The following THSD7B variants were observed in gnomAD, a reference collection of about 807,000 sequenced individuals.
The protein encoded by THSD7B is thrombospondin type 1 domain containing 7B.
Under a neutral mutation model 213.6 loss-of-function variants are expected in THSD7B, and 138 were observed. That is an observed-to-expected ratio of 0.65 (90% CI 0.56 to 0.74). The LOEUF (loss-of-function observed/expected upper bound fraction) is 0.74. THSD7B is among the 30% of genes least tolerant of loss of function. THSD7B has a pLI of 0.00. For synonymous variants in THSD7B, 742 were observed against 687.0 expected, an observed-to-expected ratio of 1.08 and a Z score of -1.25; for missense variants, 1,931 against 1,991.5, an observed-to-expected ratio of 0.97 and a Z score of 0.58.
intron 20 of THSD7B, among the ~76,000 whole-genome samples, chr2:137,622,988 A>G (rs1039580758): frequency 2.0e-5 from 3 of 152,236 alleles, no homozygotes; most frequent in Admixed American, 6.5e-5. Context: ...TGAGGCCAGC[A>G]TCATCCTGAT....
chr2:137,244,928 A>G (rs1268145965), intron 10 of THSD7B, among the ~76,000 whole-genome samples: 1 of 152,176 alleles, frequency 6.6e-6, no homozygotes, highest in Non-Finnish European at 1.5e-5. Flanking sequence ...TTGCATTTGA[A>G]TCACCTGGAA....
chr2:137,508,823 G>A (rs1458889135), intron 15 of THSD7B, among the ~76,000 whole-genome samples: 1 of 152,026 alleles, frequency 6.6e-6, no homozygotes, highest in Non-Finnish European at 1.5e-5. Context: ...AATACCCTGT[G>A]CCTAGAATCG....
At chr2:137,223,820 G>A (rs1681431518) in intron 7 of THSD7B, among the ~76,000 whole-genome samples, 1 of 152,128 alleles carries the variant, frequency 6.6e-6, no homozygotes, top group South Asian at 2.1e-4. Flanking sequence ...CTGGAACATG[G>A]AGGCGGATAT....
chr2:137,410,981 A>G (rs1366343840), intron 13 of THSD7B, among the ~76,000 whole-genome samples: 1 of 152,224 alleles, frequency 6.6e-6, no homozygotes, highest in East Asian at 1.9e-4. Flanking sequence ...GACCAAAACT[A>G]ACAGGTCCAT....
At chr2:137,461,150 A>G (rs1687876593) in intron 15 of THSD7B, among the ~76,000 whole-genome samples, 1 of 152,082 alleles carries the variant, frequency 6.6e-6, no homozygotes, top group African/African-American at 2.4e-5. Context: ...GTCTGGGGCT[A>G]TTACAAATAA....
intron 12 of THSD7B, among the ~76,000 whole-genome samples, chr2:137,342,610 A>C (rs1349869723): frequency 6.6e-6 from 1 of 151,570 alleles, no homozygotes; most frequent in Non-Finnish European, 1.5e-5. Context: ...GTAAGGTTTA[A>C]ATTTTTCACT....
chr2:137,431,523 A>C (rs1010106449), intron 14 of THSD7B, among the ~76,000 whole-genome samples: 1 of 152,240 alleles, frequency 6.6e-6, no homozygotes, highest in South Asian at 2.1e-4. Flanking sequence ...ATGGCTTTGC[A>C]GGGCCATTTC....
chr2:137,536,523 A>G (rs1363338779), intron 15 of THSD7B, among the ~76,000 whole-genome samples: 1 of 151,796 alleles, frequency 6.6e-6, no homozygotes, highest in African/African-American at 2.4e-5. Context: ...AAGCAGTTTT[A>G]CTAAAGCCAA....
chr2:136,783,945 T>G (rs1435748605), intron 1 of THSD7B, among the ~76,000 whole-genome samples: 3 of 152,194 alleles, frequency 2.0e-5, no homozygotes, highest in Non-Finnish European at 4.4e-5. Flanking sequence ...AATTAGAGTT[T>G]CCTTGAGAGA....
chr2:137,058,731 G>T (rs960956475), intron 3 of THSD7B, among the ~76,000 whole-genome samples: 1 of 152,138 alleles, frequency 6.6e-6, no homozygotes, highest in Non-Finnish European at 1.5e-5. Flanking sequence ...CCTTTGGGAG[G>T]TAATTATGTC....
At chr2:137,482,406 G>A (rs10928610) in intron 15 of THSD7B, among the ~76,000 whole-genome samples, 103,341 of 152,058 alleles carry the variant, frequency 0.68, 36,990 homozygotes, top group Non-Finnish European at 0.8. Context: ...TTTACTGTAG[G>A]ACTTAATAAA....
At chr2:136,935,539 G>T (rs1684707406) in intron 2 of THSD7B, among the ~76,000 whole-genome samples, 1 of 152,102 alleles carries the variant, frequency 6.6e-6, no homozygotes, top group Non-Finnish European at 1.5e-5. Context: ...TTAAGCCATT[G>T]ATGTATCAAC....
At chr2:137,074,742 T>C (rs1233042858) in intron 3 of THSD7B, among the ~76,000 whole-genome samples, 1 of 152,182 alleles carries the variant, frequency 6.6e-6, no homozygotes, top group African/African-American at 2.4e-5. Context: ...CCTTTCCATG[T>C]TTAGTGCTTC....
intron 1 of THSD7B, among the ~76,000 whole-genome samples, chr2:136,858,198 T>A (rs1351203212): frequency 7.2e-5 from 11 of 152,362 alleles, no homozygotes; most frequent in African/African-American, 2.4e-4. Context: ...TTTAAAGCGA[T>A]GATTATTAAA....
At chr2:137,195,254 A>G (rs1446795030) in intron 7 of THSD7B, among the ~76,000 whole-genome samples, 3 of 150,460 alleles carry the variant, frequency 2.0e-5, no homozygotes, top group Admixed American at 6.6e-5. Context: ...ATATATATAC[A>G]CACACACACA....
At chr2:137,077,979 A>T (rs2104900910) in intron 3 of THSD7B, among the ~76,000 whole-genome samples, 1 of 152,308 alleles carries the variant, frequency 6.6e-6, no homozygotes, top group South Asian at 2.1e-4. Context: ...TAAGTCTTTA[A>T]TCCATCTTGA....
intron 2 of THSD7B, among the ~76,000 whole-genome samples, chr2:136,891,625 CA>C (rs1365675557): frequency 6.6e-6 from 1 of 152,170 alleles, no homozygotes; most frequent in Non-Finnish European, 1.5e-5. Context: ...TCCATTCAGC[CA>C]GGCACCTTTC....
At chr2:137,365,747 G>T (rs1042215451) in intron 12 of THSD7B, among the ~76,000 whole-genome samples, 4 of 152,202 alleles carry the variant, frequency 2.6e-5, no homozygotes, top group African/African-American at 9.6e-5. Flanking sequence ...AACAACAGAT[G>T]CTGGAGAGGA....
chr2:137,604,270 T>G (rs1024494121), intron 17 of THSD7B, among the ~76,000 whole-genome samples: 6 of 152,240 alleles, frequency 3.9e-5, no homozygotes, highest in African/African-American at 1.2e-4. Flanking sequence ...AATATAACAT[T>G]TAATTTTTTA....
Sources: gnomAD v4.1 joint callset for allele counts (sites outside exome capture counted in the v4.1 genomes callset) on GRCh38, gnomAD v4.1.1 for gene constraint, MANE v1.5 for transcripts, NCBI Gene and HGNC (gene_info 2026-07-23, HGNC 2026-07-21) for gene names.